Variants in TEX11 observed in about 807,000 individuals in gnomAD.
TEX11 encodes testis expressed 11.
A neutral mutation model predicts 84.4 loss-of-function variants in TEX11; 7 were observed. That is an observed-to-expected ratio of 0.08 (90% confidence interval 0.05 to 0.16). The LOEUF (loss-of-function observed/expected upper bound fraction) is 0.16, where lower values mean the gene tolerates loss of function less well. Ranked by LOEUF, TEX11 falls within the 10% of genes least tolerant of loss-of-function variation. The probability of loss-of-function intolerance (pLI) is 1.00; values close to 1 mark genes in which losing one functional copy is unlikely to be tolerated. For synonymous variants in TEX11, 264 were observed against 222.8 expected (o/e 1.18, Z -1.64); for missense variants, 551 against 660.5 (o/e 0.83, Z 1.82).
At chrX:70,667,143 T>C (rs1179765590) in intron 16 of TEX11, among the ~76,000 whole-genome samples, 1 of 112,080 alleles carries the variant, frequency 8.9e-6, no homozygotes, top group Middle Eastern at 4.2e-3. Flanking sequence ...GAAATTCAAA[T>C]TTCAGTATTC....
intron 3 of TEX11, among the ~76,000 whole-genome samples, chrX:70,874,583 C>G (rs985758333): frequency 9.4e-6 from 1 of 106,795 alleles, no homozygotes; most frequent in Non-Finnish European, 1.9e-5. Flanking sequence ...TGTATTTTTA[C>G]TTGAGATGGG....
chrX:70,591,492 A>G (rs2088929298), intron 25 of TEX11, among the ~76,000 whole-genome samples: 1 of 110,810 alleles, frequency 9.0e-6, no homozygotes, highest in South Asian at 3.9e-4. Context: ...ATTCCCAGCT[A>G]CTCAGGAGGC....
the TEX11 span, among the ~76,000 whole-genome samples, chrX:70,523,427 A>G: frequency 1.8e-5 from 2 of 111,702 alleles, no homozygotes; most frequent in African/African-American, 6.5e-5. Context: ...TTGGGGAATC[A>G]TGGGGAATGA....
chrX:70,718,732 GA>G (rs2090529408), intron 13 of TEX11, among the ~76,000 whole-genome samples: 1 of 111,764 alleles, frequency 8.9e-6, no homozygotes. Context: ...TCGCTAGGCT[GA>G]AAAAAGCTAC....
chrX:70,725,178 G>T (rs960414602), intron 12 of TEX11, 84 bp downstream of exon 12: 3 of 573,169 alleles, frequency 5.2e-6, no homozygotes, highest in Non-Finnish European at 7.9e-6. Context: ...TACACCTATT[G>T]TTAGTATACT....
chrX:70,750,845 G>A (rs1373712003), intron 9 of TEX11, among the ~76,000 whole-genome samples: 15 of 90,705 alleles, frequency 1.7e-4, no homozygotes, highest in South Asian at 1.2e-3. Flanking sequence ...TGGGTGCAGC[G>A]CACCAGCATG....
chrX:70,534,387 C>T (rs1314614613), intron 28 of TEX11, among the ~76,000 whole-genome samples: 2 of 111,269 alleles, frequency 1.8e-5, no homozygotes, highest in African/African-American at 6.5e-5. Flanking sequence ...GCTTGGGCAA[C>T]CAGAAGAATG....
At chrX:70,811,710 TC>T (rs1443982055) in intron 8 of TEX11, among the ~76,000 whole-genome samples, 6 of 110,564 alleles carry the variant, frequency 5.4e-5, no homozygotes, top group African/African-American at 2.0e-4. Context: ...TTTTTAATGA[TC>T]GCCATTCTAA....
At chrX:70,833,489 T>A in intron 8 of TEX11, 24 bp downstream of exon 8, 1 of 1,165,616 alleles carries the variant, frequency 8.6e-7, no homozygotes, top group South Asian at 1.8e-5. Flanking sequence ...TTTCAAACTC[T>A]TGGAGAATGC....
intron 9 of TEX11, among the ~76,000 whole-genome samples, chrX:70,787,128 C>G (rs1452286940): frequency 9.0e-6 from 1 of 111,548 alleles, no homozygotes; most frequent in Non-Finnish European, 1.9e-5. Context: ...AAGCAAAACT[C>G]CATCCCAAAT....
intron 16 of TEX11, among the ~76,000 whole-genome samples, chrX:70,655,340 AC>A (rs1296662276): frequency 9.0e-6 from 1 of 111,378 alleles, no homozygotes; most frequent in Non-Finnish European, 1.9e-5. Flanking sequence ...TCAGGATGTA[AC>A]CACATCGTAA....
At chrX:70,815,606 T>A (rs963078786) in intron 8 of TEX11, among the ~76,000 whole-genome samples, 5 of 111,911 alleles carry the variant, frequency 4.5e-5, no homozygotes, top group African/African-American at 1.6e-4. Flanking sequence ...AAATTAAAAT[T>A]TATCAGAGGT....
intron 16 of TEX11, among the ~76,000 whole-genome samples, chrX:70,667,527 G>A (rs905412508): frequency 7.1e-5 from 8 of 112,109 alleles, no homozygotes; most frequent in Admixed American, 4.7e-4. Context: ...GGATTAGAAA[G>A]TTTGGCAACA....
chrX:70,787,923 T>C (rs2091089646), intron 9 of TEX11, among the ~76,000 whole-genome samples: 1 of 110,152 alleles, frequency 9.1e-6, no homozygotes, highest in Non-Finnish European at 1.9e-5. Context: ...ATCTAACTTA[T>C]AATAGCTACA....
At chrX:70,679,674 C>A (rs1421091537) in intron 14 of TEX11, among the ~76,000 whole-genome samples, 1 of 108,138 alleles carries the variant, frequency 9.2e-6, no homozygotes, top group East Asian at 3.0e-4. Context: ...CAGCAGCCAC[C>A]CCGTCTGGGA....
At chrX:70,747,088 CTG>C (rs2090772965) in intron 9 of TEX11, among the ~76,000 whole-genome samples, 1 of 112,024 alleles carries the variant, frequency 8.9e-6, no homozygotes, top group Admixed American at 9.5e-5. Flanking sequence ...ATCTGGGAGA[CTG>C]TGCACATGCT....
In TEX11 at chrX:70,644,071, A is replaced by C. The variant is rs1022089566; in HGVS notation, c.1483+7379T>G. Reference sequence around the variant, plus strand: ...ATCTACAATGAACTCAAACAAATTTACAAGAAAAAAAAAAACAACCCCATC... The same window carrying C: ...ATCTACAATGAACTCAAACAAATTTCCAAGAAAAAAAAAAACAACCCCATC... On this transcript the variant is annotated intron_variant, in intron 17 of 29. Transcript: ENST00000374333. Among the ~76,000 whole-genome samples the C allele has an allele frequency of 2.9e-5, 3 of 102,883 alleles. No individual in the cohort carries two copies. The South Asian group carries it at 1.4e-3, about 49-fold the overall frequency. 89.3% of individuals were successfully genotyped at this position (102,883 alleles called of 115,157 possible).
rs906629217 is a variant in TEX11 at position 70,651,370 on chromosome X, T to C, written c.1483+80A>G. 10 of 645,178 alleles carry C rather than the reference T, an allele frequency of 1.5e-5. No individual in the cohort carries two copies. The African/African-American group carries it at 2.3e-4, about 15-fold the overall frequency. 53.2% of individuals were successfully genotyped at this position (645,178 alleles called of 1,213,427 possible). ...CAATTCTATTGTCTTAAAAACAATG[T>C]TTTTTTCCCACTGTGGTTGAAGAGG... On this transcript the variant is annotated intron_variant, in intron 17 of 29. Coordinates refer to ENST00000374333, the MANE Select transcript of TEX11 (RefSeq NM_031276.3).
chrX:70,837,370 C>T (rs1287373309), intron 7 of TEX11, among the ~76,000 whole-genome samples: 5 of 110,607 alleles, frequency 4.5e-5, no homozygotes, highest in Admixed American at 3.9e-4. Context: ...ACCAGCCTGG[C>T]CAACTTGGTG....
Sources: allele counts gnomAD v4.1 joint callset (sites outside exome capture counted in the v4.1 genomes callset), GRCh38; gene constraint gnomAD v4.1.1; transcripts MANE v1.5; gene names NCBI Gene and HGNC (gene_info 2026-07-23, HGNC 2026-07-21).